Variants in PRKCE observed in about 807,000 individuals in gnomAD.
PRKCE encodes protein kinase C epsilon type.
In PRKCE, 16 loss-of-function variants were observed where a neutral mutation model predicts 85.4. That is an observed-to-expected ratio of 0.19 (90% CI 0.13 to 0.28). The LOEUF (loss-of-function observed/expected upper bound fraction) is 0.28, where lower values mean the gene tolerates loss of function less well. Ranked by LOEUF, PRKCE falls within the 10% of genes least tolerant of loss-of-function variation. The pLI is 1.00. For synonymous variants in PRKCE, 388 were observed against 371.5 expected, an observed-to-expected ratio of 1.04 and a Z score of -0.51; for missense variants, 573 against 975.2, an observed-to-expected ratio of 0.59 and a Z score of 5.49.
At chr2:46,024,831 C>G (rs182869976) in intron 10 of PRKCE, among the ~76,000 whole-genome samples, 147 of 152,214 alleles carry the variant, frequency 9.7e-4, no homozygotes, top group African/African-American at 3.5e-3. Context: ...TTATCAAGCC[C>G]CAGTTTATGA....
intron 2 of PRKCE, among the ~76,000 whole-genome samples, chr2:45,953,576 T>G (rs1391995374): frequency 6.6e-5 from 10 of 152,224 alleles, no homozygotes; most frequent in African/African-American, 1.9e-4. Context: ...TCAGTGTCAC[T>G]GCTGAGTCAG....
At chr2:46,183,611 C>T (rs528401533) in intron 14 of PRKCE, among the ~76,000 whole-genome samples, 5 of 152,298 alleles carry the variant, frequency 3.3e-5, no homozygotes, top group South Asian at 4.1e-4. Flanking sequence ...CCCTAACTCC[C>T]GCCATCCCCA....
In PRKCE at chr2:45,917,012, G is replaced by A. The variant is rs372423932; in HGVS notation, c.413-59417G>A. Among the ~76,000 whole-genome samples, 30 of 152,254 alleles carry A rather than the reference G, an allele frequency of 2.0e-4. No individual in the cohort carries two copies. In the East Asian group the frequency reaches 2.1e-3, roughly 11 times the overall value. On this transcript the variant is annotated intron_variant, in intron 2 of 14. Coordinates refer to ENST00000306156, the MANE Select transcript of PRKCE (RefSeq NM_005400.3). ...GCAGCAGCAGGATTTATTGCAAAGA[G>A]TGAAAGAACAAACCTTCCACAGTGT...
intron 11 of PRKCE, among the ~76,000 whole-genome samples, chr2:46,133,528 G>A (rs1674664598): frequency 6.6e-6 from 1 of 152,124 alleles, no homozygotes; most frequent in Non-Finnish European, 1.5e-5. Flanking sequence ...ACATAGTAGG[G>A]GCAAGTAGTC....
intron 2 of PRKCE, among the ~76,000 whole-genome samples, chr2:45,899,772 G>A (rs1402249642): frequency 2.0e-5 from 3 of 152,202 alleles, no homozygotes; most frequent in African/African-American, 7.2e-5. Context: ...GTGCTGTGCA[G>A]AGCATTCCTG....
chr2:46,011,174 T>C (rs1705639973), intron 10 of PRKCE, among the ~76,000 whole-genome samples: 5 of 152,228 alleles, frequency 3.3e-5, no homozygotes. Context: ...TTATCCTTTT[T>C]GAGGGGTTGG....
intron 11 of PRKCE, among the ~76,000 whole-genome samples, chr2:46,106,736 C>T (rs1351039765): frequency 6.6e-6 from 1 of 152,202 alleles, no homozygotes; most frequent in Non-Finnish European, 1.5e-5. Context: ...GGAGTAGGAC[C>T]ATCCTGCTGG....
chr2:45,871,789 T>C (rs999520375), intron 2 of PRKCE, among the ~76,000 whole-genome samples: 2 of 152,212 alleles, frequency 1.3e-5, no homozygotes, highest in Admixed American at 6.5e-5. Flanking sequence ...CTCCTGAGAC[T>C]GCCCCAGAGA....
At chr2:45,653,393 T>TTC (rs1675230988) in intron 1 of PRKCE, among the ~76,000 whole-genome samples, 1 of 140,348 alleles carries the variant, frequency 7.1e-6, no homozygotes, top group South Asian at 2.2e-4. Flanking sequence ...TTTTTTTTTT[T>TTC]TTCTCTCTTC....
chr2:45,880,117 G>C (rs1362133596), intron 2 of PRKCE, among the ~76,000 whole-genome samples: 1 of 152,180 alleles, frequency 6.6e-6, no homozygotes, highest in East Asian at 1.9e-4. Flanking sequence ...AGAGCATGCA[G>C]TGTTTAACTT....
At chr2:45,999,487 T>C (rs574343204) in intron 6 of PRKCE, among the ~76,000 whole-genome samples, 27 of 152,246 alleles carry the variant, frequency 1.8e-4, no homozygotes, top group African/African-American at 5.5e-4. Context: ...TTTTTTCCTT[T>C]GACTTCTTTC....
intron 14 of PRKCE, among the ~76,000 whole-genome samples, chr2:46,178,165 CAGA>C (rs1381256443): frequency 6.6e-6 from 1 of 152,182 alleles, no homozygotes; most frequent in Non-Finnish European, 1.5e-5. Context: ...GAGGCTGAGG[CAGA>C]AGAATTGCTT....
intron 3 of PRKCE, among the ~76,000 whole-genome samples, chr2:45,976,887 G>A (rs1187132133): frequency 1.3e-4 from 19 of 148,558 alleles, no homozygotes; most frequent in Non-Finnish European, 1.5e-5. Flanking sequence ...GTGTGTGTGT[G>A]TGTGTGTGTG....
intron 1 of PRKCE, among the ~76,000 whole-genome samples, chr2:45,771,977 C>T (rs4952771): frequency 0.27 from 40,543 of 151,922 alleles, 5,720 homozygotes; most frequent in Admixed American, 0.32. Flanking sequence ...CACACACTGC[C>T]GACCATGGGA....
intron 6 of PRKCE, among the ~76,000 whole-genome samples, chr2:45,994,893 A>C (rs1042997487): frequency 6.6e-6 from 1 of 152,222 alleles, no homozygotes; most frequent in African/African-American, 2.4e-5. Flanking sequence ...ACCACTATGC[A>C]TTCCTACCAG....
intron 12 of PRKCE, among the ~76,000 whole-genome samples, chr2:46,146,096 T>C (rs1676044394): frequency 6.6e-6 from 1 of 152,216 alleles, no homozygotes; most frequent in Admixed American, 6.5e-5. Context: ...ACCACTCCAA[T>C]AGGTTGCCTT....
intron 1 of PRKCE, among the ~76,000 whole-genome samples, chr2:45,788,937 T>C (rs931875326): frequency 3.3e-5 from 5 of 152,212 alleles, no homozygotes; most frequent in African/African-American, 1.2e-4. Flanking sequence ...AATATTCAAA[T>C]ACCAGAACCT....
intron 2 of PRKCE, among the ~76,000 whole-genome samples, chr2:45,909,777 C>T (rs1697243315): frequency 2.0e-5 from 3 of 152,230 alleles, no homozygotes; most frequent in African/African-American, 4.8e-5. Context: ...CCTAGAACAT[C>T]CCTTCCAGGT....
chr2:45,936,548 A>G lies in PRKCE; in HGVS notation c.413-39881A>G, dbSNP rs574080413. On this transcript the variant is annotated intron_variant, in intron 2 of 14. Coordinates refer to ENST00000306156, the MANE Select transcript of PRKCE (RefSeq NM_005400.3). ...AGCCAGCGGGAGGCCCGACATCCAAAACATTGACTAGTGTGCCCCCGTGTG... is the reference window on the plus strand; with the variant it reads ...AGCCAGCGGGAGGCCCGACATCCAAGACATTGACTAGTGTGCCCCCGTGTG... Among the ~76,000 whole-genome samples, 4 of 152,148 alleles carry G rather than the reference A, an allele frequency of 2.6e-5. No homozygotes were observed. In the East Asian group the frequency reaches 7.8e-4, roughly 29 times the overall value.
Sources: allele counts gnomAD v4.1 joint callset (sites outside exome capture counted in the v4.1 genomes callset), GRCh38; gene constraint gnomAD v4.1.1; transcripts MANE v1.5; gene names NCBI Gene and HGNC (gene_info 2026-07-23, HGNC 2026-07-21).